GHR: variants seen among roughly 807,000 people sequenced by gnomAD.
The protein encoded by GHR is GH receptor.
GHR carries 35 observed loss-of-function variants against 67.1 expected under a neutral mutation model. The ratio of observed to expected loss-of-function variants is 0.52; its 90% CI spans 0.40 to 0.69. The LOEUF is 0.69. GHR is among the 30% of genes least tolerant of loss of function. The pLI is 0.00. For missense variants in GHR, 792 were observed against 764.6 expected, an observed-to-expected ratio of 1.04 and a Z score of -0.42; for synonymous variants, 272 against 269.1, an observed-to-expected ratio of 1.01 and a Z score of -0.10.
intron 1 of GHR, among the ~76,000 whole-genome samples, chr5:42,447,115 G>A (rs1003993533): frequency 1.3e-5 from 2 of 152,098 alleles, no homozygotes; most frequent in Non-Finnish European, 2.9e-5. Flanking sequence ...TGTCAACAGT[G>A]ATCTAAGTTT....
chr5:42,604,984 C>T (rs1752556653), intron 2 of GHR, among the ~76,000 whole-genome samples: 1 of 150,944 alleles, frequency 6.6e-6, no homozygotes, highest in Non-Finnish European at 1.5e-5. Context: ...CTACCTAGAG[C>T]TTTCTTTAAA....
chr5:42,484,297 C>T (rs966747358), intron 1 of GHR, among the ~76,000 whole-genome samples: 2 of 152,148 alleles, frequency 1.3e-5, no homozygotes, highest in African/African-American at 4.8e-5. Flanking sequence ...AATTCATTAA[C>T]TAAAAATATG....
At chr5:42,623,207 A>G (rs748218950) in intron 2 of GHR, among the ~76,000 whole-genome samples, 29 of 152,232 alleles carry the variant, frequency 1.9e-4, no homozygotes, top group Admixed American at 5.9e-4. Flanking sequence ...TTACTCTCTC[A>G]ATTTTAAACA....
At chr5:42,597,439 C>G (rs1752130088) in intron 2 of GHR, among the ~76,000 whole-genome samples, 1 of 151,980 alleles carries the variant, frequency 6.6e-6, no homozygotes, top group Non-Finnish European at 1.5e-5. Context: ...ATTCAAAAAC[C>G]AGTGCCCATA....
chr5:42,688,493 T>A (rs1757265874), intron 3 of GHR, among the ~76,000 whole-genome samples: 1 of 152,212 alleles, frequency 6.6e-6, no homozygotes, highest in South Asian at 2.1e-4. Flanking sequence ...GCCACTGTGA[T>A]AACCAGCTCA....
At chr5:42,579,129 A>AGATAGAT (rs1750973370) in intron 2 of GHR, among the ~76,000 whole-genome samples, 5 of 54,612 alleles carry the variant, frequency 9.2e-5, no homozygotes, top group Admixed American at 1.7e-4. Flanking sequence ...ATAGATAGAT[A>AGATAGAT]GATAGATAGA....
intron 1 of GHR, among the ~76,000 whole-genome samples, chr5:42,477,086 T>A (rs1745367719): frequency 7.4e-6 from 1 of 135,634 alleles, no homozygotes; most frequent in Non-Finnish European, 1.5e-5. Flanking sequence ...CCTGTGTCCA[T>A]GTGTTCTCAT....
At chr5:42,637,710 C>T (rs552162149) in intron 3 of GHR, among the ~76,000 whole-genome samples, 2 of 152,200 alleles carry the variant, frequency 1.3e-5, no homozygotes, top group East Asian at 1.9e-4. Flanking sequence ...ACCATCAATG[C>T]GCATCTAGGT....
intron 3 of GHR, among the ~76,000 whole-genome samples, chr5:42,688,481 T>G (rs1757265576): frequency 6.6e-6 from 1 of 152,196 alleles, no homozygotes; most frequent in African/African-American, 2.4e-5. Context: ...TGGGCCCCAT[T>G]AGCCACTGTG....
chr5:42,718,835 CT>C lies in GHR; in HGVS notation c.1329del (p.Gln444SerfsTer32). ...NSPYHDACPA[T>X]QQPSVIQAEK... ...CCTTATCATGATGCTTGCCCTGCTA[CT>C]CAGCAGCCCAGTGTTATCCAAGCAG... On this transcript the variant is annotated frameshift_variant, in exon 10 of 10. Transcript: ENST00000230882. LOFTEE classifies it high-confidence loss of function. 1 of 1,614,126 alleles carries C rather than the reference CT, an allele frequency of 6.2e-7. No homozygotes were observed. The highest frequency in any genetic ancestry group is 2.2e-5 in the East Asian group (1 of 44,880).
intron 1 of GHR, among the ~76,000 whole-genome samples, chr5:42,440,522 T>G (rs1743518881): frequency 6.6e-6 from 1 of 152,206 alleles, no homozygotes; most frequent in Non-Finnish European, 1.5e-5. Flanking sequence ...AAGCAGGGAC[T>G]ACATCTTACA....
chr5:42,554,385 T>C (rs537752566), intron 1 of GHR, among the ~76,000 whole-genome samples: 1 of 152,292 alleles, frequency 6.6e-6, no homozygotes, highest in Non-Finnish European at 1.5e-5. Context: ...TAGAGTTCAG[T>C]GCTCAGTAAT....
At chr5:42,464,341 T>C (rs927145608) in intron 1 of GHR, among the ~76,000 whole-genome samples, 18 of 152,228 alleles carry the variant, frequency 1.2e-4, no homozygotes, top group Non-Finnish European at 2.5e-4. Context: ...CCTTTTGCTT[T>C]ATCTGAAGCA....
At chr5:42,700,359 AT>A (rs1436529266) in intron 6 of GHR, among the ~76,000 whole-genome samples, 2 of 152,214 alleles carry the variant, frequency 1.3e-5, no homozygotes, top group Admixed American at 1.3e-4. Context: ...CTATGGCCAA[AT>A]ATTTTCCCAT....
intron 2 of GHR, among the ~76,000 whole-genome samples, chr5:42,627,253 A>T (rs1035867284): frequency 3.3e-5 from 5 of 152,126 alleles, no homozygotes; most frequent in Non-Finnish European, 5.9e-5. Context: ...ATTTCTCTTC[A>T]TTCTTACAGA....
intron 1 of GHR, among the ~76,000 whole-genome samples, chr5:42,559,317 G>T (rs1011529189): frequency 6.6e-6 from 1 of 152,142 alleles, no homozygotes; most frequent in Admixed American, 6.5e-5. Context: ...GAGACGGAAG[G>T]ATCAGGTGAG....
intron 4 of GHR, among the ~76,000 whole-genome samples, chr5:42,692,710 G>A (rs1757475540): frequency 6.6e-6 from 1 of 152,112 alleles, no homozygotes; most frequent in African/African-American, 2.4e-5. Flanking sequence ...TGGGGAACAA[G>A]GTACTGACAT....
At chr5:42,502,498 C>T (rs1211396362) in intron 1 of GHR, among the ~76,000 whole-genome samples, 2 of 152,022 alleles carry the variant, frequency 1.3e-5, no homozygotes, top group Admixed American at 6.6e-5. Context: ...ATTAATTTGC[C>T]TAATCATATT....
intron 1 of GHR, among the ~76,000 whole-genome samples, chr5:42,432,292 A>G (rs1743128592): frequency 6.6e-6 from 1 of 152,222 alleles, no homozygotes; most frequent in African/African-American, 2.4e-5. Flanking sequence ...TGCCATATCA[A>G]TGAAAGTAGA....
Sources: allele counts gnomAD v4.1 joint callset (sites outside exome capture counted in the v4.1 genomes callset), GRCh38; gene constraint gnomAD v4.1.1; transcripts MANE v1.5; gene names NCBI Gene and HGNC (gene_info 2026-07-23, HGNC 2026-07-21).